GMDS: variants seen among roughly 807,000 people sequenced by gnomAD.
The protein encoded by GMDS is GDP-mannose 4,6-dehydratase.
A neutral mutation model predicts 49.9 loss-of-function variants in GMDS; 20 were observed. The ratio of observed to expected loss-of-function variants is 0.40; its 90% confidence interval spans 0.28 to 0.58. GMDS has a LOEUF of 0.58. GMDS is among the 20% of genes least tolerant of loss of function. The probability of loss-of-function intolerance (pLI) is 0.42; values close to 1 mark genes in which losing one functional copy is unlikely to be tolerated. For synonymous variants in GMDS, 177 were observed against 178.6 expected (o/e 0.99, Z 0.07); for missense variants, 362 against 481.4 (o/e 0.75, Z 2.32).
chr6:2,074,802 C>T (rs1003745668), intron 4 of GMDS, among the ~76,000 whole-genome samples: 1 of 152,134 alleles, frequency 6.6e-6, no homozygotes, highest in Non-Finnish European at 1.5e-5. Context: ...CCATGCCTGA[C>T]CACATTTAAG....
intron 7 of GMDS, among the ~76,000 whole-genome samples, chr6:1,795,524 CAT>C (rs1174671094): frequency 2.6e-5 from 4 of 152,224 alleles, no homozygotes; most frequent in South Asian, 2.1e-4. Flanking sequence ...ATGCGTGCCT[CAT>C]AAACTGTATT....
intron 9 of GMDS, among the ~76,000 whole-genome samples, chr6:1,718,174 TTATG>T (rs1310357859): frequency 9.2e-5 from 14 of 152,106 alleles, no homozygotes; most frequent in African/African-American, 3.4e-4. Flanking sequence ...TTCAGGGAGT[TTATG>T]TATGTCAGGA....
chr6:2,003,396 C>A (rs1400741282), intron 4 of GMDS, among the ~76,000 whole-genome samples: 2 of 152,076 alleles, frequency 1.3e-5, no homozygotes, highest in African/African-American at 2.4e-5. Flanking sequence ...AAAATTCCAA[C>A]AAATCAAAGC....
At chr6:2,123,082 T>C (rs1775229038) in intron 2 of GMDS, among the ~76,000 whole-genome samples, 1 of 152,230 alleles carries the variant, frequency 6.6e-6, no homozygotes, top group African/African-American at 2.4e-5. Context: ...AGTCTGCTAG[T>C]TCCTTAACAA....
chr6:1,930,166 T>C lies in GMDS; in HGVS notation c.708A>G (p.Glu236=), dbSNP rs1415845461. 1.2e-6 allele frequency: 2 copies of C among 1,612,966 alleles called. No individual in the cohort carries two copies. Among genetic ancestry groups the C allele is most frequent in the Admixed American group, 3.3e-5 (2 of 59,942 alleles). The change falls in exon 7 of 11, where the codon GAA becomes GAG. Residue 236 remains glutamate, a synonymous_variant. Coordinates refer to ENST00000380815, the MANE Select transcript of GMDS (RefSeq NM_001500.4). ...SVAKIYLGQL[E]CFSLGNLDAK... is the part of the protein sequence containing the mutation. ...CATCCAGATTTCCCAAACTGAAACA[T>C]TCCAGTTGTCCAAGGTAAATCTTAG...
intron 1 of GMDS, among the ~76,000 whole-genome samples, chr6:2,224,100 G>A (rs1467296592): frequency 6.6e-6 from 1 of 152,188 alleles, no homozygotes; most frequent in Non-Finnish European, 1.5e-5. Flanking sequence ...AGCCGTGAAA[G>A]GTAATTTAGA....
chr6:1,897,443 T>C (rs114198125), intron 7 of GMDS, among the ~76,000 whole-genome samples: 3,015 of 152,296 alleles, frequency 0.02, 105 homozygotes, highest in African/African-American at 0.069. Flanking sequence ...TAGCAGAGGC[T>C]GAGGATGGCA....
intron 7 of GMDS, among the ~76,000 whole-genome samples, chr6:1,896,780 CA>C (rs1437785983): frequency 6.6e-6 from 1 of 152,164 alleles, no homozygotes; most frequent in East Asian, 1.9e-4. Context: ...GATTGACAAA[CA>C]CAAGTGCCAT....
At chr6:1,846,074 ATGTTTC>A (rs1328155782) in intron 7 of GMDS, among the ~76,000 whole-genome samples, 1 of 144,516 alleles carries the variant, frequency 6.9e-6, no homozygotes, top group Non-Finnish European at 1.5e-5. Flanking sequence ...GCCAGACACC[ATGTTTC>A]TTTTTTTTTT....
intron 4 of GMDS, among the ~76,000 whole-genome samples, chr6:1,965,896 T>A (rs1355826295): frequency 2.6e-5 from 4 of 151,972 alleles, no homozygotes; most frequent in Non-Finnish European, 5.9e-5. Context: ...AAACTAAAGG[T>A]TAGAAGTGTG....
At position 2,065,318 on chromosome 6, in the gene GMDS, G is replaced by A. The variant is rs190392862; in HGVS notation, c.345+50453C>T. On this transcript the variant is annotated intron_variant, in intron 4 of 10. Transcript: ENST00000380815. ...CAAAAGTAGATAAAACCACAAAGAC[G>A]GGGAAAAAACACAGCAGAAAAACTG... 1.6e-4 allele frequency among the ~76,000 whole-genome samples: 25 copies of A among 152,192 alleles called. No homozygotes were observed. In the South Asian group the frequency reaches 1.7e-3, roughly 10 times the overall value.
chr6:1,776,696 T>G, intron 7 of GMDS, among the ~76,000 whole-genome samples: 1 of 152,222 alleles, frequency 6.6e-6, no homozygotes, highest in South Asian at 2.1e-4. Context: ...AATTAAGGTC[T>G]GTGGGCATCA....
At chr6:1,883,512 T>C (rs1400639864) in intron 7 of GMDS, among the ~76,000 whole-genome samples, 1 of 152,144 alleles carries the variant, frequency 6.6e-6, no homozygotes, top group Non-Finnish European at 1.5e-5. Context: ...TAAAGACAAT[T>C]TGAATAAAAA....
chr6:2,113,263 A>C (rs1158259962), intron 4 of GMDS, among the ~76,000 whole-genome samples: 1 of 151,966 alleles, frequency 6.6e-6, no homozygotes, highest in Non-Finnish European at 1.5e-5. Context: ...AATCAGCCCC[A>C]CCTGGCATCC....
chr6:2,122,163 C>G (rs550271901), intron 2 of GMDS, among the ~76,000 whole-genome samples: 72 of 152,116 alleles, frequency 4.7e-4, no homozygotes, highest in Non-Finnish European at 8.1e-4. Flanking sequence ...CTTAGGGTAC[C>G]GTGTTCAACT....
Position 1,915,057 on chromosome 6 carries a change from C to T in GMDS, c.771+15046G>A, listed in dbSNP as rs570226200. Among the ~76,000 whole-genome samples, 174 of 152,314 alleles carry T rather than the reference C, an allele frequency of 1.1e-3. 1 individual carries two copies. The highest frequency in any genetic ancestry group is 3.7e-3 in the African/African-American group (152 of 41,578). On this transcript the variant is annotated intron_variant, in intron 7 of 10. Coordinates refer to ENST00000380815, the MANE Select transcript of GMDS (RefSeq NM_001500.4). Reference sequence around the variant, plus strand: ...GGCATCCACTAAAGGGAGAGCAGCACGGAGGCCTCGCATGCCCTTAGACCT... The same window carrying T: ...GGCATCCACTAAAGGGAGAGCAGCATGGAGGCCTCGCATGCCCTTAGACCT...
intron 9 of GMDS, among the ~76,000 whole-genome samples, chr6:1,644,079 C>T (rs571842808): frequency 1.3e-5 from 2 of 152,316 alleles, no homozygotes; most frequent in Admixed American, 1.3e-4. Flanking sequence ...TGTCCTCGGC[C>T]TGCTCTTCTG....
At chr6:2,112,227 A>AT (rs1774588245) in intron 4 of GMDS, among the ~76,000 whole-genome samples, 2 of 152,236 alleles carry the variant, frequency 1.3e-5, no homozygotes, top group African/African-American at 4.8e-5. Flanking sequence ...ATACAAACAT[A>AT]TATCATATTC....
chr6:1,744,039 TA>T (rs1767390377), intron 7 of GMDS, among the ~76,000 whole-genome samples: 1 of 152,226 alleles, frequency 6.6e-6, no homozygotes, highest in African/African-American at 2.4e-5. Flanking sequence ...AAGAAGTTGC[TA>T]AAATCAATGA....
Sources: allele counts gnomAD v4.1 joint callset (sites outside exome capture counted in the v4.1 genomes callset), GRCh38; gene constraint gnomAD v4.1.1; transcripts MANE v1.5; gene names NCBI Gene and HGNC (gene_info 2026-07-23, HGNC 2026-07-21).